The following PPP1R12A variants were observed in gnomAD, a reference collection of about 807,000 sequenced individuals.
PPP1R12A encodes the protein myosin binding subunit.
A neutral mutation model predicts 139.6 loss-of-function variants in PPP1R12A; 19 were observed. The ratio of observed to expected loss-of-function variants is 0.14; its 90% confidence interval spans 0.09 to 0.20. PPP1R12A has a LOEUF of 0.20. Among genes scored for constraint, PPP1R12A ranks in the 10% least tolerant of loss-of-function variants. PPP1R12A has a pLI of 1.00. For missense variants in PPP1R12A, 925 were observed against 1,211.5 expected, an observed-to-expected ratio of 0.76 and a Z score of 3.51; for synonymous variants, 427 against 420.6, an observed-to-expected ratio of 1.02 and a Z score of -0.19.
chr12:79,806,497 A>C (rs995815621), intron 12 of PPP1R12A, among the ~76,000 whole-genome samples, 164 bp from the exon 13 acceptor site: 2 of 152,214 alleles, frequency 1.3e-5, no homozygotes, highest in African/African-American at 4.8e-5. Context: ...AACTTGCTAG[A>C]GTTTAGAAGA....
chr12:79,904,265 G>T (rs1885901254), intron 1 of PPP1R12A, among the ~76,000 whole-genome samples: 1 of 151,418 alleles, frequency 6.6e-6, no homozygotes, highest in Non-Finnish European at 1.5e-5. Flanking sequence ...TGCTTGACCG[G>T]AATAAAATGA....
chr12:79,877,158 A>T (rs1565792663), intron 1 of PPP1R12A, among the ~76,000 whole-genome samples: 1 of 152,250 alleles, frequency 6.6e-6, no homozygotes, highest in East Asian at 1.9e-4. Context: ...TGGAGGGAAG[A>T]AGTGTGAGGG....
intron 10 of PPP1R12A, 79 bp from the exon 11 acceptor site, chr12:79,808,656 TTATTCAATAATTATAATTACA>T: frequency 1.4e-6 from 1 of 736,378 alleles, no homozygotes; most frequent in Admixed American, 2.4e-5. Flanking sequence ...TAAGAAAAGG[TTATTCAATAATTATAATTACA>T]TAGCTATCAT....
chr12:79,847,104 C>A (rs985397211), intron 2 of PPP1R12A, among the ~76,000 whole-genome samples: 1 of 152,108 alleles, frequency 6.6e-6, no homozygotes, highest in South Asian at 2.1e-4. Flanking sequence ...ATGTTCCCTC[C>A]CCCAGAGATA....
intron 3 of PPP1R12A, 41 bp downstream of exon 3, chr12:79,845,261 T>G: frequency 7.0e-7 from 1 of 1,435,576 alleles, no homozygotes; most frequent in Non-Finnish European, 9.7e-7. Context: ...TATCACATTC[T>G]TTCTAAAACA....
chr12:79,812,091 T>A (rs1290953633), intron 9 of PPP1R12A, among the ~76,000 whole-genome samples: 1 of 152,206 alleles, frequency 6.6e-6, no homozygotes, highest in Non-Finnish European at 1.5e-5. Flanking sequence ...ATTACTGTTA[T>A]TTTAGAGTTG....
intron 8 of PPP1R12A, chr12:79,819,388 C>CAGTG (rs1875811389): frequency 6.6e-6 from 1 of 152,118 alleles, no homozygotes; most frequent in Non-Finnish European, 1.5e-5. Flanking sequence ...TAACATTGAA[C>CAGTG]AGTGACTTGT....
chr12:79,833,929 AAC>A (rs1165376429), intron 3 of PPP1R12A, among the ~76,000 whole-genome samples: 1 of 151,478 alleles, frequency 6.6e-6, no homozygotes, highest in African/African-American at 2.4e-5. Flanking sequence ...ATAAAACAAG[AAC>A]ACACACACAC....
chr12:79,842,537 C>T (rs776216415), intron 3 of PPP1R12A, among the ~76,000 whole-genome samples: 1 of 151,702 alleles, frequency 6.6e-6, no homozygotes, highest in Non-Finnish European at 1.5e-5. Context: ...TGTTTGATCA[C>T]TGCCTAATGG....
chr12:79,896,021 G>A (rs1367431141), intron 1 of PPP1R12A, among the ~76,000 whole-genome samples: 1 of 140,330 alleles, frequency 7.1e-6, no homozygotes, highest in African/African-American at 2.6e-5. Flanking sequence ...TTTAAAAGAG[G>A]AGTAGTATAT....
chr12:79,782,389 C>T (rs1870563974), intron 22 of PPP1R12A: 1 of 270,020 alleles, frequency 3.7e-6, no homozygotes, highest in Non-Finnish European at 7.4e-6. Flanking sequence ...CCATGCTCCA[C>T]AATTGGTTCA....
intron 2 of PPP1R12A, among the ~76,000 whole-genome samples, chr12:79,869,000 T>C (rs1224828503): frequency 6.6e-6 from 1 of 152,216 alleles, no homozygotes; most frequent in Non-Finnish European, 1.5e-5. Flanking sequence ...ATTAAAACAA[T>C]GCATATGCTG....
At chr12:79,879,198 G>A (rs549297562) in intron 1 of PPP1R12A, among the ~76,000 whole-genome samples, 29 of 152,056 alleles carry the variant, frequency 1.9e-4, no homozygotes, top group Non-Finnish European at 3.5e-4. Context: ...TGGCCAACAC[G>A]GCAAAACCCC....
At chr12:79,903,376 G>A (rs1205489728) in intron 1 of PPP1R12A, among the ~76,000 whole-genome samples, 4 of 151,690 alleles carry the variant, frequency 2.6e-5, no homozygotes, top group Admixed American at 6.6e-5. Flanking sequence ...GCTTGAACCC[G>A]GGAAGTAGAT....
intron 1 of PPP1R12A, among the ~76,000 whole-genome samples, chr12:79,919,931 C>A (rs189438589): frequency 1.4e-4 from 21 of 152,280 alleles, no homozygotes; most frequent in Non-Finnish European, 2.8e-4. Flanking sequence ...TTAAAGTGTA[C>A]AAATAAACAG....
intron 1 of PPP1R12A, among the ~76,000 whole-genome samples, chr12:79,908,741 A>AG (rs1438481214): frequency 6.6e-6 from 1 of 152,202 alleles, no homozygotes; most frequent in Non-Finnish European, 1.5e-5. Context: ...TTGGTGTTAG[A>AG]TTTTAGTCAT....
At chr12:79,831,078 C>T (rs1877361146) in intron 4 of PPP1R12A, among the ~76,000 whole-genome samples, 1 of 152,074 alleles carries the variant, frequency 6.6e-6, no homozygotes, top group South Asian at 2.1e-4. Context: ...TACTCATATA[C>T]ATATTTACAG....
At chr12:79,788,907 T>C in intron 20 of PPP1R12A, 124 bp from the exon 21 acceptor site, 1 of 806,496 alleles carries the variant, frequency 1.2e-6, no homozygotes, top group Non-Finnish European at 1.8e-6. Flanking sequence ...CTCTGTTATC[T>C]GATTAATTTT....
intron 11 of PPP1R12A, among the ~76,000 whole-genome samples, 193 bp from the exon 12 acceptor site, chr12:79,807,523 G>A (rs1339354769): frequency 6.6e-6 from 1 of 151,854 alleles, no homozygotes; most frequent in Non-Finnish European, 1.5e-5. Context: ...TTTCCCCTAA[G>A]TATGGGGGAA....
Sources: allele counts gnomAD v4.1 joint callset (sites outside exome capture counted in the v4.1 genomes callset), GRCh38; gene constraint gnomAD v4.1.1; transcripts MANE v1.5; gene names NCBI Gene and HGNC (gene_info 2026-07-23, HGNC 2026-07-21).